Variants in TNNT2 observed in about 807,000 individuals in gnomAD.
TNNT2 encodes troponin T, cardiac muscle.
TNNT2 carries 34 observed loss-of-function variants against 62.4 expected under a neutral mutation model. The ratio of observed to expected loss-of-function variants is 0.54; its 90% CI spans 0.41 to 0.72. The LOEUF (loss-of-function observed/expected upper bound fraction) is 0.72. TNNT2 is among the 30% of genes least tolerant of loss of function. The pLI is 0.00. For synonymous variants in TNNT2, 123 were observed against 127.2 expected, an observed-to-expected ratio of 0.97 and a Z score of 0.22; for missense variants, 275 against 381.9, an observed-to-expected ratio of 0.72 and a Z score of 2.33.
chr1:201,365,619 C>T lies in TNNT2; in HGVS notation c.285G>A (p.Val95=), dbSNP rs1060503885. 6.2e-7 allele frequency: 1 copy of T among 1,614,066 alleles called. No homozygotes were observed. Among genetic ancestry groups the T allele is most frequent in the Admixed American group, 1.7e-5 (1 of 59,996 alleles). ...VPPKIPDGER[V]DFDDIHRKRM... Reference sequence around the variant, plus strand: ...CACAGCCACCGCTTACATCAAAGTCCACTCTCTCTCCATCGGGGATCTTGG... The same window carrying T: ...CACAGCCACCGCTTACATCAAAGTCTACTCTCTCTCCATCGGGGATCTTGG... Residue 95 remains valine (V), a synonymous_variant, in exon 9 of 17, where the codon GTG becomes GTA. Transcript: ENST00000656932.
chr1:201,376,418 C>T (rs1246356000), intron 1 of TNNT2, among the ~76,000 whole-genome samples: 2 of 152,132 alleles, frequency 1.3e-5, no homozygotes, highest in Non-Finnish European at 2.9e-5. Flanking sequence ...AACACAGGCC[C>T]CACCCCTCAG....
At chr1:201,376,255 T>C (rs935923410) in intron 1 of TNNT2, among the ~76,000 whole-genome samples, 5 of 152,216 alleles carry the variant, frequency 3.3e-5, no homozygotes, top group African/African-American at 1.2e-4. Context: ...TAAGGCATAC[T>C]GACCTTGGGG....
At chr1:201,367,155 AT>A in intron 7 of TNNT2, 1 of 553,526 alleles carries the variant, frequency 1.8e-6, no homozygotes, top group Non-Finnish European at 3.3e-6. Flanking sequence ...GGGCAAAGCA[AT>A]TTTGCTTCTC....
chr1:201,366,153 A>G, intron 8 of TNNT2: 1 of 1,064,358 alleles, frequency 9.4e-7, no homozygotes, highest in South Asian at 3.3e-5. Flanking sequence ...ATCTGCCCTC[A>G]GGTGTGTGGA....
chr1:201,366,248 G>A (rs1029184375), intron 8 of TNNT2: 2 of 1,018,442 alleles, frequency 2.0e-6, no homozygotes, highest in African/African-American at 3.4e-5. Flanking sequence ...GTCTTGGGCT[G>A]GTTTCAGAAG....
chr1:201,361,202 C>T, intron 15 of TNNT2, 77 bp downstream of exon 15: 1 of 1,389,922 alleles, frequency 7.2e-7, no homozygotes, highest in Non-Finnish European at 1.0e-6. Context: ...CAGGGACCTG[C>T]AGCAGTATTA....
chr1:201,369,973 G>A (rs1259640599), intron 4 of TNNT2, 128 bp from the exon 5 acceptor site: 36 of 1,021,054 alleles, frequency 3.5e-5, no homozygotes, highest in South Asian at 4.0e-5. Context: ...GAGTTAGGCC[G>A]GCATTCCAAT....
At chr1:201,375,624 A>G (rs904347217) in intron 1 of TNNT2, among the ~76,000 whole-genome samples, 1 of 152,148 alleles carries the variant, frequency 6.6e-6, no homozygotes, top group African/African-American at 2.4e-5. Context: ...TAACCCTAGG[A>G]TGGGTGGGGC....
chr1:201,366,329 G>T lies in TNNT2; in HGVS notation c.233+509C>A, dbSNP rs529372841. ...GGGTCAACCTCTGCTGGCAGGGTTG[G>T]CATCATAAAAAGGGAAATGCTCCCT... On this transcript the variant is annotated intron_variant, in intron 8 of 16. Transcript: ENST00000656932. 7.1e-5 allele frequency: 72 copies of T among 1,020,980 alleles called. No individual in the cohort carries two copies. In the South Asian group the frequency reaches 2.5e-3, roughly 36 times the overall value. 63.2% of individuals were successfully genotyped at this position (1,020,980 alleles called of 1,614,324 possible). A position where few individuals can be genotyped will look rare whatever the true frequency, so the allele number is the denominator to read the frequency against.
In TNNT2 at chr1:201,367,042, C is replaced by T. The variant is rs535073628; in HGVS notation, c.200-171G>A. 1.4e-4 allele frequency: 153 copies of T among 1,092,606 alleles called. 1 individual carries two copies. Among genetic ancestry groups the T allele is most frequent in the Admixed American group, 4.4e-4 (22 of 50,282 alleles). The allele number at this position is 1,092,606 out of a possible 1,614,324, so 67.7% of individuals were successfully genotyped here. A position where few individuals can be genotyped will look rare whatever the true frequency, so the allele number is the denominator to read the frequency against. ...GAAGCATCCAGGAGAATGAAGGCAG[C>T]GGGGGCTGCAGATGCCACACTCCCC... On this transcript the variant is annotated intron_variant, in intron 7 of 16. Coordinates refer to ENST00000656932, the MANE Select transcript of TNNT2 (RefSeq NM_001276345.2).
intron 1 of TNNT2, chr1:201,373,613 TCAGCACTGTAC>T: frequency 2.6e-6 from 1 of 382,172 alleles, no homozygotes; most frequent in Non-Finnish European, 5.0e-6. Flanking sequence ...CAGGATCTGT[TCAGCACTGTAC>T]AAATCTTCAC....
At chr1:201,363,063 G>A (rs533054228) in intron 12 of TNNT2, 4 of 970,672 alleles carry the variant, frequency 4.1e-6, no homozygotes, top group Non-Finnish European at 4.9e-6. Context: ...GGGCACCATT[G>A]GTGCCCCAGG....
At chr1:201,366,588 T>C in intron 8 of TNNT2, 8 of 1,399,896 alleles carry the variant, frequency 5.7e-6, no homozygotes, top group Non-Finnish European at 7.4e-6. Context: ...GCCCTTCCTC[T>C]AGAAGAACAT....
At chr1:201,376,224 A>C (rs947485) in intron 1 of TNNT2, among the ~76,000 whole-genome samples, 1 of 151,982 alleles carries the variant, frequency 6.6e-6, no homozygotes, top group African/African-American at 2.4e-5. Flanking sequence ...TTGGGGAGTA[A>C]AGCAAAGACA....
chr1:201,368,188 G>A lies in TNNT2; in HGVS notation c.137C>T (p.Ala46Val). Residue 46 changes from alanine to valine, a missense_variant, in exon 6 of 17, where the codon GCT (alanine) becomes GTT (valine). Ala to Val is a moderately conservative substitution (Grantham distance 64). Transcript: ENST00000656932. ...TTCTGCCCTGGTCTCCTCGGTCTCAGCCTCTGCTTCAGCATCCTCTTCCGC... is the reference window on the plus strand; with the variant it reads ...TTCTGCCCTGGTCTCCTCGGTCTCAACCTCTGCTTCAGCATCCTCTTCCGC... Reference protein sequence around the residue: ...EAAEEDAEAEAETEETRAEED... With the variant: ...EAAEEDAEAEVETEETRAEED... 3 of 1,614,102 alleles carry A rather than the reference G, an allele frequency of 1.9e-6. No homozygotes were observed. Among genetic ancestry groups the A allele is most frequent in the South Asian group, 1.1e-5 (1 of 91,078 alleles).
chr1:201,363,511 C>T (rs753457425), intron 11 of TNNT2, 105 bp from the exon 12 acceptor site: 38 of 1,077,480 alleles, frequency 3.5e-5, no homozygotes, highest in Non-Finnish European at 4.5e-5. Context: ...GCTTTCTCTC[C>T]GCTCAGCAAG....
chr1:201,372,726 G>C (rs1660831783), intron 2 of TNNT2, among the ~76,000 whole-genome samples: 1 of 152,232 alleles, frequency 6.6e-6, no homozygotes, highest in Non-Finnish European at 1.5e-5. Context: ...ACTATCCTCT[G>C]TAGTTATTGG....
chr1:201,365,479 C>G, intron 9 of TNNT2, 131 bp downstream of exon 9: 3 of 1,238,254 alleles, frequency 2.4e-6, no homozygotes, highest in Non-Finnish European at 3.6e-6. Flanking sequence ...TGGATGGGCA[C>G]CCAGCCTGGC....
intron 16 of TNNT2, 38 bp from the exon 17 acceptor site, chr1:201,359,293 G>A: frequency 6.2e-7 from 1 of 1,604,000 alleles, no homozygotes; most frequent in Non-Finnish European, 8.5e-7. Flanking sequence ...TGGAGACACA[G>A]GCAGGGTAGT....
Sources: allele counts gnomAD v4.1 joint callset (sites outside exome capture counted in the v4.1 genomes callset), GRCh38; gene constraint gnomAD v4.1.1; transcripts MANE v1.5; gene names NCBI Gene and HGNC (gene_info 2026-07-23, HGNC 2026-07-21).